KMT2A: variants seen among roughly 807,000 people sequenced by gnomAD.
KMT2A encodes lysine methyltransferase 2A.
Under a neutral mutation model 345.3 loss-of-function variants are expected in KMT2A, and 16 were observed. That is an observed-to-expected ratio of 0.05 (90% confidence interval 0.03 to 0.07). The LOEUF (loss-of-function observed/expected upper bound fraction) is 0.07. Among genes scored for constraint, KMT2A ranks in the 10% least tolerant of loss-of-function variants. The pLI is 1.00. For synonymous variants in KMT2A, 1,599 were observed against 1,778.6 expected, an observed-to-expected ratio of 0.90 and a Z score of 2.54; for missense variants, 3,272 against 4,841.6, an observed-to-expected ratio of 0.68 and a Z score of 9.62.
At position 118,445,646 on chromosome 11, in the gene KMT2A, A is replaced by G. The variant is rs191043573; in HGVS notation, c.432+8702A>G. The stretch of plus-strand genomic sequence containing the variant: ...TTCTGGGGGTTGGAACTTGAGCAGA[A>G]TGGTCAAAAGCAGATTAGAGTTTAA... On this transcript the variant is annotated intron_variant, in intron 1 of 35. Transcript: ENST00000534358. Among the ~76,000 whole-genome samples, 16 of 152,378 alleles carry G rather than the reference A, an allele frequency of 1.1e-4. No homozygotes were observed. The East Asian group carries it at 2.9e-3, about 28-fold the overall frequency.
At chr11:118,463,372 C>T (rs904457730) in intron 1 of KMT2A, among the ~76,000 whole-genome samples, 12 of 152,224 alleles carry the variant, frequency 7.9e-5, no homozygotes, top group Admixed American at 1.3e-4. Context: ...ACATAAAATG[C>T]GTGTATTTAG....
At position 118,498,648 on chromosome 11, in the gene KMT2A, A is replaced by G. The variant is rs1410882692; in HGVS notation, c.5961+120A>G. ...TCCCATATGCCCCCTGCACCCACAT[A>G]TGCACAGCCTCCCCCATGATCAGCA... On this transcript the variant is annotated intron_variant, in intron 22 of 35. Coordinates refer to ENST00000534358, the MANE Select transcript of KMT2A (RefSeq NM_001197104.2). The surrounding 1 kb of genome is among the most constrained non-coding windows in gnomAD (Gnocchi z 4.4). The G allele has an allele frequency of 8.6e-6, 8 of 926,118 alleles. No homozygotes were observed. Among genetic ancestry groups the G allele is most frequent in the African/African-American group, 5.0e-5 (3 of 59,862 alleles). 57.4% of individuals were successfully genotyped at this position (926,118 alleles called of 1,614,324 possible).
rs189848221 is a variant in KMT2A at position 118,455,299 on chromosome 11, A to G, written c.433-13476A>G. On this transcript the variant is annotated intron_variant, in intron 1 of 35. Transcript: ENST00000534358. ...GTTCTTTACATGTATCTTGAGAGTC[A>G]AACAGTACCTGGCAATACTCAATAA... Among the ~76,000 whole-genome samples the G allele has an allele frequency of 2.3e-3, 357 of 152,320 alleles. 1 individual carries two copies. Among genetic ancestry groups the G allele is most frequent in the African/African-American group, 8.2e-3 (342 of 41,562 alleles).
intron 1 of KMT2A, among the ~76,000 whole-genome samples, chr11:118,453,555 T>A (rs1224694667): frequency 2.0e-5 from 3 of 152,202 alleles, no homozygotes; most frequent in Non-Finnish European, 4.4e-5. Context: ...TACACACTCT[T>A]CCTAGGTCAT....
chr11:118,503,579 T>G lies in KMT2A; in HGVS notation c.7687T>G (p.Ser2563Ala), dbSNP rs782677866. ...GTCAACATCTCCCACAGAACCAATT[T>G]CAGCCTCTGAAAATCCAGGAGATGG... ...IESTSPTEPI[S>A]ASENPGDGPV... is the part of the protein sequence containing the mutation. Residue 2563 changes from serine to alanine, a missense_variant, in exon 27 of 36, where the codon TCA (serine) becomes GCA (alanine). Ser to Ala is a moderately conservative substitution (Grantham distance 99, BLOSUM62 1). Coordinates refer to ENST00000534358, the MANE Select transcript of KMT2A (RefSeq NM_001197104.2). The surrounding 1 kb of genome is among the most constrained non-coding windows in gnomAD (Gnocchi z 5.3). 9 of 1,613,976 alleles carry G rather than the reference T, an allele frequency of 5.6e-6. No homozygotes were observed. In the African/African-American group the frequency reaches 1.2e-4, roughly 22 times the overall value.
chr11:118,519,882 C>A, intron 32 of KMT2A, 75 bp from the exon 33 acceptor site: 1 of 1,559,254 alleles, frequency 6.4e-7, no homozygotes, highest in Non-Finnish European at 8.8e-7. Flanking sequence ...TTTGAGATTT[C>A]CAGTTTTAAT....
Position 118,491,112 on chromosome 11 carries a change from T to C in KMT2A, c.4697-84T>C, listed in dbSNP as rs993830445. ...GATCCCAGAAGAATATAGATTTAGA[T>C]TGGGTTGGTAAATGCAAGTCGAGGG... On this transcript the variant is annotated intron_variant, in intron 13 of 35. Coordinates refer to ENST00000534358, the MANE Select transcript of KMT2A (RefSeq NM_001197104.2). This position sits in a 1 kb window ranked among gnomAD's most constrained non-coding sequence, Gnocchi z 4.2. 20 of 1,364,910 alleles carry C rather than the reference T, an allele frequency of 1.5e-5. No homozygotes were observed. Among genetic ancestry groups the C allele is most frequent in the Admixed American group, 7.9e-5 (4 of 50,710 alleles). The allele number at this position is 1,364,910 out of a possible 1,614,324, so 84.5% of individuals were successfully genotyped here. A position where few individuals can be genotyped will look rare whatever the true frequency, so the allele number is the denominator to read the frequency against.
chr11:118,488,671 G>A lies in KMT2A; in HGVS notation c.4390G>A (p.Glu1464Lys), dbSNP rs1555041608. The change falls in exon 11 of 36, where the codon GAG becomes AAG. Residue 1464 changes from glutamate to lysine, a missense_variant. Physicochemically the swap from Glu to Lys is moderately conservative, Grantham distance 56. Coordinates refer to ENST00000534358, the MANE Select transcript of KMT2A (RefSeq NM_001197104.2). ...PFHKFCLEEN[E>K]RPLEDQLENW... is the part of the protein sequence containing the mutation. Reference sequence around the variant, plus strand: ...CCACAAGTTTTGTTTAGAGGAGAACGAGCGCCCTCTGGAGGACCAGCTGGA... The same window carrying A: ...CCACAAGTTTTGTTTAGAGGAGAACAAGCGCCCTCTGGAGGACCAGCTGGA... 6.2e-7 allele frequency: 1 copy of A among 1,614,038 alleles called. No individual in the cohort carries two copies. Among genetic ancestry groups the A allele is most frequent in the Non-Finnish European group, 8.5e-7 (1 of 1,180,012 alleles).
At position 118,472,717 on chromosome 11, in the gene KMT2A, G is replaced by C; in HGVS notation, c.1558G>C (p.Glu520Gln). ...TCCACTGCCCATTTCCCAGTCCCCA[G>C]AAAATGAGAGTAATGATAGGAGAAG... ...HPPLPISQSPENESNDRRSRR... is the reference protein window; with the variant it reads ...HPPLPISQSPQNESNDRRSRR... The change falls in exon 3 of 36, where the codon GAA becomes CAA. Residue 520 changes from glutamate to glutamine, a missense_variant. By Grantham distance (29) the Glu-to-Gln change is conservative (BLOSUM62 2). Around this residue, in one of 27 missense-constraint regions of KMT2A, gnomAD observed 180 missense variants for 190.7 expected, o/e 0.94. Transcript: ENST00000534358. 1 of 1,613,522 alleles carries C rather than the reference G, an allele frequency of 6.2e-7. No homozygotes were observed. Among genetic ancestry groups the C allele is most frequent in the African/African-American group, 1.3e-5 (1 of 74,760 alleles).
rs1949978786 is a variant in KMT2A at position 118,473,459 on chromosome 11, T to A, written c.2300T>A (p.Leu767His). ...TRSGRLSSSE[L>H]SPLTPPSSVS... ...AGTGGAAGGCTTAGTAGTTCTGAGC[T>A]CTCACCTCTCACCCCCCCGTCTTCT... The change falls in exon 3 of 36, where the codon CTC becomes CAC. Residue 767 changes from leucine (L) to histidine (H), a missense_variant. By Grantham distance (99) the Leu-to-His change is moderately conservative (BLOSUM62 -3). Coordinates refer to ENST00000534358, the MANE Select transcript of KMT2A (RefSeq NM_001197104.2). This position sits in a 1 kb window ranked among gnomAD's most constrained non-coding sequence, Gnocchi z 5.2. 6.2e-7 allele frequency: 1 copy of A among 1,614,082 alleles called. No homozygotes were observed. The highest frequency in any genetic ancestry group is 8.5e-7 in the Non-Finnish European group (1 of 1,180,048).
intron 1 of KMT2A, among the ~76,000 whole-genome samples, chr11:118,468,189 C>T (rs1555034577): frequency 6.6e-6 from 1 of 152,158 alleles, no homozygotes; most frequent in East Asian, 1.9e-4. Context: ...TCTCTTATCA[C>T]AGGCATTTTT....
At chr11:118,512,776 A>G (rs1591296227) in intron 31 of KMT2A, among the ~76,000 whole-genome samples, 1 of 146,780 alleles carries the variant, frequency 6.8e-6, no homozygotes, top group South Asian at 2.2e-4. Context: ...CCATTTCTCC[A>G]CCTTTGCCAA....
Position 118,484,061 on chromosome 11 carries a change from T to C in KMT2A, c.4087-122T>C. The C allele has an allele frequency of 9.9e-7, 1 of 1,006,738 alleles. No individual in the cohort carries two copies. The highest frequency in any genetic ancestry group is 1.4e-6 in the Non-Finnish European group (1 of 691,688). 62.4% of individuals were successfully genotyped at this position (1,006,738 alleles called of 1,614,324 possible). A position where few individuals can be genotyped will look rare whatever the true frequency, so the allele number is the denominator to read the frequency against. On this transcript the variant is annotated intron_variant, in intron 8 of 35. Coordinates refer to ENST00000534358, the MANE Select transcript of KMT2A (RefSeq NM_001197104.2). This position sits in a 1 kb window ranked among gnomAD's most constrained non-coding sequence, Gnocchi z 4.1. ...AAAAAAAAATTCAAAGATTATTTGT[T>C]TATGTTGGAAACATGTTTTTTAGAT...
At chr11:118,480,273 C>G (rs1950108424) in intron 6 of KMT2A, 35 bp downstream of exon 6, 3 of 1,557,950 alleles carry the variant, frequency 1.9e-6, no homozygotes, top group Non-Finnish European at 2.7e-6. Context: ...CCCAAATGCT[C>G]CTTGCTTAAA....
chr11:118,510,180 T>A lies in KMT2A; in HGVS notation c.11071+62T>A. The A allele has an allele frequency of 7.2e-7, 1 of 1,380,286 alleles. No individual in the cohort carries two copies. 85.5% of individuals were successfully genotyped at this position (1,380,286 alleles called of 1,614,324 possible). A position where few individuals can be genotyped will look rare whatever the true frequency, so the allele number is the denominator to read the frequency against. On this transcript the variant is annotated intron_variant, in intron 30 of 35. Coordinates refer to ENST00000534358, the MANE Select transcript of KMT2A (RefSeq NM_001197104.2). This position sits in a 1 kb window ranked among gnomAD's most constrained non-coding sequence, Gnocchi z 4.1. Reference sequence around the variant, plus strand: ...GCCCTGTTTCAGCTAGAGCTTCATTTTCTGAGTATTAGCACCATTTAGGTG... The same window carrying A: ...GCCCTGTTTCAGCTAGAGCTTCATTATCTGAGTATTAGCACCATTTAGGTG...
intron 6 of KMT2A, 50 bp downstream of exon 6, chr11:118,480,288 G>A (rs1555038883): frequency 1.5e-6 from 2 of 1,344,870 alleles, no homozygotes; most frequent in Non-Finnish European, 2.1e-6. Flanking sequence ...CTTAAATGGT[G>A]TATAGTTGTA....
In KMT2A at chr11:118,524,142, A is replaced by T. The variant is rs1376538122; in HGVS notation, c.*1970A>T. ...CTTTCCCTCTGCCCACCAAGTCCTCATATCTGCAGAGAACCCATTGATCAC... is the reference window on the plus strand; with the variant it reads ...CTTTCCCTCTGCCCACCAAGTCCTCTTATCTGCAGAGAACCCATTGATCAC... On this transcript the variant is annotated 3_prime_UTR_variant, in exon 36 of 36. Coordinates refer to ENST00000534358, the MANE Select transcript of KMT2A (RefSeq NM_001197104.2). The T allele has an allele frequency of 1.6e-5, 3 of 183,946 alleles. No individual in the cohort carries two copies. The highest frequency in any genetic ancestry group is 7.1e-5 in the African/African-American group (3 of 42,520). 11.4% of individuals were successfully genotyped at this position (183,946 alleles called of 1,614,324 possible).
At chr11:118,477,622 C>G (rs1950063547) in intron 4 of KMT2A, among the ~76,000 whole-genome samples, 1 of 148,368 alleles carries the variant, frequency 6.7e-6, no homozygotes, top group Non-Finnish European at 1.5e-5. Context: ...ATTCTCCTGC[C>G]TCAGCCTCCT....
rs1032986776 is a variant in KMT2A, at chr11:118,443,759, A to G, written c.432+6815A>G. ...AAATAGACTGAAGGGATTTCCCCAG[A>G]TATCTTACCTTCAATTATTGCTGCA... On this transcript the variant is annotated intron_variant, in intron 1 of 35. Coordinates refer to ENST00000534358, the MANE Select transcript of KMT2A (RefSeq NM_001197104.2). Among the ~76,000 whole-genome samples the G allele has an allele frequency of 5.9e-5, 9 of 152,202 alleles. No homozygotes were observed. In the South Asian group the frequency reaches 1.9e-3, roughly 32 times the overall value.
Sources: gnomAD v4.1 joint callset for allele counts (sites outside exome capture counted in the v4.1 genomes callset) on GRCh38, gnomAD v4.1.1 for gene constraint, gnomAD v4.1.1 regional missense constraint, Gnocchi (gnomAD v3.1) non-coding constraint, MANE v1.5 for transcripts, NCBI Gene and HGNC (gene_info 2026-07-23, HGNC 2026-07-21) for gene names.